Variants in TRABD2B observed in about 807,000 individuals in gnomAD.
The protein encoded by TRABD2B is TraB domain containing 2B, also known as metalloprotease TIKI2.
Under a neutral mutation model 40.1 loss-of-function variants are expected in TRABD2B, and 14 were observed. The ratio of observed to expected loss-of-function variants is 0.35; its 90% CI spans 0.23 to 0.55. The LOEUF (loss-of-function observed/expected upper bound fraction) is 0.55, where lower values mean the gene tolerates loss of function less well. TRABD2B is among the 20% of genes least tolerant of loss of function. The probability of loss-of-function intolerance (pLI) is 0.90; values close to 1 mark genes in which losing one functional copy is unlikely to be tolerated. For synonymous variants in TRABD2B, 263 were observed against 277.0 expected (o/e 0.95, Z 0.50); for missense variants, 541 against 648.6 (o/e 0.83, Z 1.80).
chr1:47,845,836 G>A (rs1273849524), intron 2 of TRABD2B, among the ~76,000 whole-genome samples: 4 of 152,174 alleles, frequency 2.6e-5, no homozygotes, highest in African/African-American at 9.7e-5. Context: ...TGAACTGTGG[G>A]CTTCTTAAAG....
At chr1:47,868,951 T>C (rs1255483901) in intron 2 of TRABD2B, among the ~76,000 whole-genome samples, 1 of 152,172 alleles carries the variant, frequency 6.6e-6, no homozygotes, top group Non-Finnish European at 1.5e-5. Context: ...CCTTCTTGGG[T>C]CCTCACTCTG....
chr1:47,786,785 T>C (rs1398804025), intron 4 of TRABD2B, among the ~76,000 whole-genome samples: 1 of 152,120 alleles, frequency 6.6e-6, no homozygotes, highest in Non-Finnish European at 1.5e-5. Flanking sequence ...ACTGCAGCCT[T>C]GACATCTGGG....
rs12048239 is a variant in TRABD2B, at chr1:47,851,844, C to G, written c.667-50225G>C. On this transcript the variant is annotated intron_variant, in intron 2 of 6. Transcript: ENST00000606738. ...CATTATCATTTTATTGGCGAGGAACCCTAGGCTTAGAGAAATTGCGGAAAT... is the reference window on the plus strand; with the variant it reads ...CATTATCATTTTATTGGCGAGGAACGCTAGGCTTAGAGAAATTGCGGAAAT... Among the ~76,000 whole-genome samples, 6 of 152,296 alleles carry G rather than the reference C, an allele frequency of 3.9e-5. No individual in the cohort carries two copies. In the East Asian group the frequency reaches 1.2e-3, roughly 29 times the overall value.
chr1:47,887,200 G>A (rs1644382369), intron 2 of TRABD2B, among the ~76,000 whole-genome samples: 2 of 152,178 alleles, frequency 1.3e-5, no homozygotes, highest in South Asian at 4.1e-4. Context: ...TCAGGGACAG[G>A]CAGAAGTTCC....
Position 47,911,112 on chromosome 1 carries a change from G to A in TRABD2B, c.666+82922C>T, listed in dbSNP as rs770097035. ...GCCCCAGCCAGGATTTTTACATGGG[G>A]GAAAATAGAAATGTGTAATAGAAAG... On this transcript the variant is annotated intron_variant, in intron 2 of 6. Transcript: ENST00000606738. Among the ~76,000 whole-genome samples, 62 of 152,148 alleles carry A rather than the reference G, an allele frequency of 4.1e-4. 1 individual carries two copies. Among genetic ancestry groups the A allele is most frequent in the Non-Finnish European group, 1.5e-4 (10 of 68,020 alleles).
chr1:47,991,280 T>C (rs1646007681), intron 2 of TRABD2B, among the ~76,000 whole-genome samples: 1 of 152,130 alleles, frequency 6.6e-6, no homozygotes, highest in South Asian at 2.1e-4. Flanking sequence ...GAAAAGCGTG[T>C]GGAGCCTCCT....
At chr1:47,961,353 T>C (rs1287085564) in intron 2 of TRABD2B, among the ~76,000 whole-genome samples, 3 of 152,196 alleles carry the variant, frequency 2.0e-5, no homozygotes, top group South Asian at 4.1e-4. Flanking sequence ...AAAGCCAAAA[T>C]TGACCAATGG....
intron 2 of TRABD2B, among the ~76,000 whole-genome samples, chr1:47,802,340 G>A (rs936499460): frequency 2.6e-5 from 4 of 152,142 alleles, no homozygotes; most frequent in South Asian, 2.1e-4. Context: ...CAGTCTGACC[G>A]TCTCTGGCAT....
chr1:47,842,248 G>C (rs2185397), intron 2 of TRABD2B, among the ~76,000 whole-genome samples: 5,136 of 152,294 alleles, frequency 0.034, 291 homozygotes, highest in African/African-American at 0.12. Context: ...GGGTGCACTA[G>C]GGTAAAAGGC....
chr1:47,959,306 G>C (rs1183109951), intron 2 of TRABD2B, among the ~76,000 whole-genome samples: 3 of 152,142 alleles, frequency 2.0e-5, no homozygotes, highest in East Asian at 3.9e-4. Flanking sequence ...AAAAGAACTA[G>C]AGAAGCAACG....
chr1:47,977,875 C>T (rs1645781516), intron 2 of TRABD2B, among the ~76,000 whole-genome samples: 1 of 151,952 alleles, frequency 6.6e-6, no homozygotes, highest in Non-Finnish European at 1.5e-5. Flanking sequence ...AGGGAGATGT[C>T]CTGGTTCAGC....
intron 2 of TRABD2B, among the ~76,000 whole-genome samples, chr1:47,896,189 C>T (rs1644518507): frequency 6.6e-6 from 1 of 152,222 alleles, no homozygotes. Context: ...CCAGGAAGGA[C>T]CTCACGTCAG....
chr1:47,821,263 G>A (rs1297422309), intron 2 of TRABD2B, among the ~76,000 whole-genome samples: 1 of 152,220 alleles, frequency 6.6e-6, no homozygotes, highest in Non-Finnish European at 1.5e-5. Flanking sequence ...GTCTTGAGAG[G>A]TGGACAGAGA....
intron 5 of TRABD2B, among the ~76,000 whole-genome samples, 169 bp downstream of exon 5, chr1:47,778,285 C>T (rs550512529): frequency 2.6e-5 from 4 of 152,354 alleles, no homozygotes; most frequent in South Asian, 4.1e-4. Flanking sequence ...AGAGCCAAGA[C>T]GGCTCACCAG....
intron 3 of TRABD2B, among the ~76,000 whole-genome samples, chr1:47,795,986 A>G (rs1644743028): frequency 6.6e-6 from 1 of 152,006 alleles, no homozygotes; most frequent in South Asian, 2.1e-4. Context: ...GTTCAGGGAC[A>G]GAGCTTTTGT....
intron 2 of TRABD2B, among the ~76,000 whole-genome samples, chr1:47,927,032 C>T (rs1173844562): frequency 6.6e-6 from 1 of 152,186 alleles, no homozygotes; most frequent in Non-Finnish European, 1.5e-5. Flanking sequence ...ATGACGCAGG[C>T]CAAGTTCAAA....
At chr1:47,941,634 A>G (rs774453383) in intron 2 of TRABD2B, among the ~76,000 whole-genome samples, 1 of 152,216 alleles carries the variant, frequency 6.6e-6, no homozygotes, top group Admixed American at 6.5e-5. Flanking sequence ...CACCTTGCCT[A>G]CCTCTCCAGG....
At chr1:47,831,212 T>C (rs1228644975) in intron 2 of TRABD2B, among the ~76,000 whole-genome samples, 1 of 152,094 alleles carries the variant, frequency 6.6e-6, no homozygotes, top group East Asian at 1.9e-4. Context: ...GAGGACTGGC[T>C]TTTACAGCAC....
At chr1:47,778,346 G>T in intron 5 of TRABD2B, 108 bp downstream of exon 5, 1 of 797,304 alleles carries the variant, frequency 1.3e-6, no homozygotes, top group Non-Finnish European at 2.1e-6. Context: ...CTTGCTTCCT[G>T]GTAGAGACCT....
Sources: allele counts gnomAD v4.1 joint callset (sites outside exome capture counted in the v4.1 genomes callset), GRCh38; gene constraint gnomAD v4.1.1; transcripts MANE v1.5; gene names NCBI Gene and HGNC (gene_info 2026-07-23, HGNC 2026-07-21).